Variants in MINDY1 observed in about 807,000 individuals in gnomAD.
The protein encoded by MINDY1 is MINDY lysine 48 deubiquitinase 1, also known as ubiquitin carboxyl-terminal hydrolase MINDY-1.
In MINDY1, 50 loss-of-function variants were observed where a neutral mutation model predicts 53.6. The ratio of observed to expected loss-of-function variants is 0.93; its 90% CI spans 0.74 to 1.18. MINDY1 has a LOEUF of 1.18. Among genes scored for constraint, MINDY1 ranks in the 50% most tolerant of loss-of-function variants. The pLI is 0.00. For synonymous variants in MINDY1, 231 were observed against 234.7 expected (o/e 0.98, Z 0.14); for missense variants, 484 against 578.6 (o/e 0.84, Z 1.68).
intron 8 of MINDY1, 73 bp downstream of exon 8, chr1:150,998,009 G>C: frequency 6.8e-7 from 1 of 1,479,292 alleles, no homozygotes; most frequent in Non-Finnish European, 9.1e-7. Flanking sequence ...GCCTCTAGCA[G>C]TTAAAATGTA....
chr1:151,003,077 G>T (rs1406988666), intron 1 of MINDY1: 8 of 591,262 alleles, frequency 1.4e-5, no homozygotes, highest in Non-Finnish European at 1.8e-5. Context: ...TACGCTAATG[G>T]TTATTAATAT....
At chr1:150,997,588 G>A (rs1671977974) in intron 9 of MINDY1, 36 bp downstream of exon 9, 2 of 1,603,234 alleles carry the variant, frequency 1.2e-6, no homozygotes, top group Admixed American at 1.7e-5. Flanking sequence ...GCATGAGGTG[G>A]AAACCGGGAG....
intron 1 of MINDY1, 161 bp downstream of exon 1, chr1:151,006,151 A>G: frequency 6.4e-7 from 1 of 1,551,708 alleles, no homozygotes; most frequent in South Asian, 1.2e-5. Flanking sequence ...AGGACCAAGC[A>G]GCATCCCCTT....
rs587673990 is a variant in MINDY1 at position 151,002,106 on chromosome 1, T to C, written c.453+59A>G. 4.8e-4 allele frequency: 711 copies of C among 1,471,230 alleles called. 11 individuals carry two copies. In the South Asian group the frequency reaches 8.8e-3, roughly 18 times the overall value. 91.1% of individuals were successfully genotyped at this position (1,471,230 alleles called of 1,614,324 possible). A position where few individuals can be genotyped will look rare whatever the true frequency, so the allele number is the denominator to read the frequency against. On this transcript the variant is annotated intron_variant, in intron 2 of 9. Transcript: ENST00000683666. This position sits in a 1 kb window ranked among gnomAD's most constrained non-coding sequence, Gnocchi z 4.1. ...GAGGACATCAGGATGATCAAGGAAG[T>C]AAGTCAGGGAAGAGTACTCCCTGAT...
chr1:150,997,504 CA>C (rs763306295), intron 9 of MINDY1, 119 bp downstream of exon 9: 2 of 1,565,594 alleles, frequency 1.3e-6, no homozygotes, highest in South Asian at 2.3e-5. Context: ...GAGGGACAGG[CA>C]GGGGAAGGAC....
intron 9 of MINDY1, 77 bp downstream of exon 9, chr1:150,997,547 C>A: frequency 6.3e-7 from 1 of 1,599,598 alleles, no homozygotes; most frequent in Non-Finnish European, 8.5e-7. Flanking sequence ...GAGACCAGTG[C>A]AGGAATAACA....
rs1354100595 is a variant in MINDY1 at position 151,006,698 on chromosome 1, CAGGACGA to C, written c.-483_-477del. On this transcript the variant is annotated 5_prime_UTR_variant, in exon 1 of 10. Coordinates refer to ENST00000683666, the MANE Select transcript of MINDY1 (RefSeq NM_001376665.1). ...TTCTCTCTCTCTTTTTTGTTCTCAT[CAGGACGA>C]AGAAAAATTAGGCAAGGACAAGCTC... is the stretch of plus-strand genomic sequence containing the variant. 1 of 985,458 alleles carries C rather than the reference CAGGACGA, an allele frequency of 1.0e-6. No individual in the cohort carries two copies. The highest frequency in any genetic ancestry group is 1.2e-6 in the Non-Finnish European group (1 of 830,088). 61.0% of individuals were successfully genotyped at this position (985,458 alleles called of 1,614,324 possible). A position where few individuals can be genotyped will look rare whatever the true frequency, so the allele number is the denominator to read the frequency against.
rs1673233532 is a variant in MINDY1, at chr1:151,006,553, C to G, written c.-331G>C. 1 of 1,000,836 alleles carries G rather than the reference C, an allele frequency of 1.0e-6. No individual in the cohort carries two copies. The highest frequency in any genetic ancestry group is 1.7e-5 in the African/African-American group (1 of 57,900). The allele number at this position is 1,000,836 out of a possible 1,614,324, so 62.0% of individuals were successfully genotyped here. On this transcript the variant is annotated 5_prime_UTR_variant, in exon 1 of 10. Coordinates refer to ENST00000683666, the MANE Select transcript of MINDY1 (RefSeq NM_001376665.1). ...AGGGTGAAGGCAGGCAGGGACACAG[C>G]CAAGGTGCTCCAGGTCGCTCAGAGA...
At position 151,006,883 on chromosome 1, in the gene MINDY1, C is replaced by T; in HGVS notation, c.-661G>A. ...TCCCTCTGCCTGCCTCTAGAAGGGA[C>T]GGAGCGCTTGTGCCTCTCTGGTGAG... On this transcript the variant is annotated 5_prime_UTR_variant, in exon 1 of 10. Transcript: ENST00000683666. 3.0e-6 allele frequency: 3 copies of T among 985,352 alleles called. No homozygotes were observed. The highest frequency in any genetic ancestry group is 3.6e-6 in the Non-Finnish European group (3 of 829,932). The allele number at this position is 985,352 out of a possible 1,614,324, so 61.0% of individuals were successfully genotyped here. A position where few individuals can be genotyped will look rare whatever the true frequency, so the allele number is the denominator to read the frequency against.
rs1672377739 is a variant in MINDY1 at position 151,000,108 on chromosome 1, A to C, written c.736-144T>G. On this transcript the variant is annotated intron_variant, in intron 5 of 9. Coordinates refer to ENST00000683666, the MANE Select transcript of MINDY1 (RefSeq NM_001376665.1). The stretch of plus-strand genomic sequence containing the variant: ...CTTTTTTTTTTTGGTCTCTCAAAAA[A>C]GAAAAAAATTTCAGGAACCATTCAT... 4 of 647,338 alleles carry C rather than the reference A, an allele frequency of 6.2e-6. No individual in the cohort carries two copies. The South Asian group carries it at 8.6e-5, about 14-fold the overall frequency. 40.1% of individuals were successfully genotyped at this position (647,338 alleles called of 1,614,324 possible).
At position 150,999,662 on chromosome 1, in the gene MINDY1, T is replaced by A; in HGVS notation, c.839-151A>T. On this transcript the variant is annotated intron_variant, in intron 6 of 9. Transcript: ENST00000683666. This position sits in a 1 kb window ranked among gnomAD's most constrained non-coding sequence, Gnocchi z 4.4. ...TGAAACCTGGCTGTATTCATTCACT[T>A]AACAAATACTTATAATAGAGCAGCT... is the stretch of plus-strand genomic sequence containing the variant. 1 of 1,138,948 alleles carries A rather than the reference T, an allele frequency of 8.8e-7. No individual in the cohort carries two copies. Among genetic ancestry groups the A allele is most frequent in the Non-Finnish European group, 1.2e-6 (1 of 810,714 alleles). 70.6% of individuals were successfully genotyped at this position (1,138,948 alleles called of 1,614,324 possible).
rs587722196 is a variant in MINDY1 at position 151,000,499 on chromosome 1, C to T, written c.693G>A (p.Leu231=). The stretch of plus-strand genomic sequence containing the variant: ...AGCCATGGTACAGAGGTATGCCTAG[C>T]AGGTCAAAGACACTGCACTCGGGTG... ...EYTPECSVFD[L]LGIPLYHGWL... The change falls in exon 5 of 10, where the codon CTG becomes CTA. Residue 231 remains leucine (L), a synonymous_variant. Transcript: ENST00000683666. 5.5e-4 allele frequency: 880 copies of T among 1,613,618 alleles called. 6 individuals carry two copies. The South Asian group carries it at 9.1e-3, about 17-fold the overall frequency.
Position 151,002,153 on chromosome 1 carries a change from A to G in MINDY1, c.453+12T>C. On this transcript the variant is annotated intron_variant, in intron 2 of 9. Coordinates refer to ENST00000683666, the MANE Select transcript of MINDY1 (RefSeq NM_001376665.1). The surrounding 1 kb of genome is among the most constrained non-coding windows in gnomAD (Gnocchi z 4.1). The stretch of plus-strand genomic sequence containing the variant: ...TGATATTTTTTGCACCCCTAACTGC[A>G]TGTTCTCTTACCTTCCACTGAAGAA... 5.7e-6 allele frequency: 9 copies of G among 1,590,044 alleles called. No individual in the cohort carries two copies. Among genetic ancestry groups the G allele is most frequent in the Non-Finnish European group, 7.7e-6 (9 of 1,167,228 alleles).
rs1271649829 is a variant in MINDY1 at position 151,002,570 on chromosome 1, A to T, written c.48T>A (p.Thr16=). The T allele has an allele frequency of 1.2e-6, 2 of 1,614,096 alleles. No homozygotes were observed. Among genetic ancestry groups the T allele is most frequent in the Non-Finnish European group, 1.7e-6 (2 of 1,180,038 alleles). Residue 16 remains threonine (T), a synonymous_variant, in exon 2 of 10, where the codon ACT becomes ACA. Coordinates refer to ENST00000683666, the MANE Select transcript of MINDY1 (RefSeq NM_001376665.1). The surrounding 1 kb of genome is among the most constrained non-coding windows in gnomAD (Gnocchi z 4.1). ...PEDPAPGKAG[T]AEAVIPENHE... is the part of the protein sequence containing the mutation. ...GGTTTTCAGGGATGACTGCTTCTGCAGTCCCGGCCTTACCAGGGGCTGGAT... is the reference window on the plus strand; with the variant it reads ...GGTTTTCAGGGATGACTGCTTCTGCTGTCCCGGCCTTACCAGGGGCTGGAT...
At chr1:150,997,895 G>C in intron 8 of MINDY1, 116 bp from the exon 9 acceptor site, 18 of 1,254,874 alleles carry the variant, frequency 1.4e-5, no homozygotes, top group Non-Finnish European at 2.0e-5. Flanking sequence ...TCTCCCCACA[G>C]AGCAGCACAC....
chr1:151,006,913 G>A (rs891338219), upstream of MINDY1: 18 of 985,192 alleles, frequency 1.8e-5, no homozygotes, highest in African/African-American at 3.5e-5. Flanking sequence ...GGTGAGAATA[G>A]GGAAGAGCAA....
chr1:151,003,032 A>C (rs1672755625), intron 1 of MINDY1: 1 of 1,009,216 alleles, frequency 9.9e-7, no homozygotes. Flanking sequence ...CAAAGGAGAA[A>C]GAAGGATAAG....
At chr1:151,004,676 A>G (rs1303167899) in intron 1 of MINDY1, among the ~76,000 whole-genome samples, 1 of 151,938 alleles carries the variant, frequency 6.6e-6, no homozygotes, top group Non-Finnish European at 1.5e-5. Context: ...GGTTGCAGTG[A>G]GCTGAGATGG....
In MINDY1 at chr1:151,000,005, AT is replaced by A. The variant is rs587624182; in HGVS notation, c.736-42del. On this transcript the variant is annotated intron_variant, in intron 5 of 9. Transcript: ENST00000683666. ...GATGTGGGATACCAAAAAAATTGGG[AT>A]TTTTTTTTCTTTTTTAAGGAAGGAA... is the stretch of plus-strand genomic sequence containing the variant. 1.8e-4 allele frequency: 268 copies of A among 1,491,144 alleles called. 1 individual carries two copies. In the Admixed American group the frequency reaches 3.2e-3, roughly 18 times the overall value. 92.4% of individuals were successfully genotyped at this position (1,491,144 alleles called of 1,614,324 possible).
Sources: allele counts gnomAD v4.1 joint callset (sites outside exome capture counted in the v4.1 genomes callset), GRCh38; gene constraint gnomAD v4.1.1; non-coding constraint Gnocchi (gnomAD v3.1); transcripts MANE v1.5; gene names NCBI Gene and HGNC (gene_info 2026-07-23, HGNC 2026-07-21).